Variants in ERG observed in about 807,000 individuals in gnomAD.
The protein encoded by ERG is ETS transcription factor ERG.
In ERG, 9 loss-of-function variants were observed where a neutral mutation model predicts 55.3. The observed-to-expected ratio is 0.16, with a 90% CI of 0.10 to 0.28. The LOEUF is 0.28. Ranked by LOEUF, ERG falls within the 10% of genes least tolerant of loss-of-function variation. ERG has a pLI of 1.00. For missense variants in ERG, 434 were observed against 631.6 expected (o/e 0.69, Z 3.35); for synonymous variants, 223 against 237.3 (o/e 0.94, Z 0.55).
intron 3 of ERG, among the ~76,000 whole-genome samples, chr21:38,406,154 C>CAAAAAAAGAAAAAA (rs1988759062): frequency 1.1e-5 from 1 of 95,080 alleles, no homozygotes; most frequent in Non-Finnish European, 2.0e-5. Context: ...GACTCCATCT[C>CAAAAAAAGAAAAAA]AAAAAAAAAA....
chr21:38,426,135 T>C (rs974604879), intron 2 of ERG, among the ~76,000 whole-genome samples: 3 of 152,196 alleles, frequency 2.0e-5, no homozygotes, highest in African/African-American at 2.4e-5. Flanking sequence ...CTCACAGCTG[T>C]GCTAACATGA....
intron 1 of ERG, among the ~76,000 whole-genome samples, chr21:38,456,888 C>G (rs2058994882): frequency 6.6e-6 from 1 of 152,192 alleles, no homozygotes; most frequent in Non-Finnish European, 1.5e-5. Context: ...TAATGTTATA[C>G]GCTGAGCTCA....
At chr21:38,528,169 T>C (rs2059643834) in intron 2 of ERG, among the ~76,000 whole-genome samples, 1 of 152,188 alleles carries the variant, frequency 6.6e-6, no homozygotes, top group Admixed American at 6.5e-5. Flanking sequence ...TACCTGTCTG[T>C]CTCCAAATTT....
intron 2 of ERG, among the ~76,000 whole-genome samples, chr21:38,545,936 T>G (rs994568191): frequency 2.6e-5 from 4 of 152,218 alleles, no homozygotes; most frequent in Admixed American, 6.5e-5. Flanking sequence ...AGACTTCTCC[T>G]CTCTTCTCCT....
At chr21:38,456,518 A>T (rs1016277965) in intron 1 of ERG, among the ~76,000 whole-genome samples, 1 of 152,260 alleles carries the variant, frequency 6.6e-6, no homozygotes, top group African/African-American at 2.4e-5. Flanking sequence ...GTTCTGGCAG[A>T]CAGAGGAGCA....
At chr21:38,647,459 C>T (rs1027143614) in intron 1 of ERG, among the ~76,000 whole-genome samples, 2 of 152,012 alleles carry the variant, frequency 1.3e-5, no homozygotes, top group African/African-American at 4.8e-5. Context: ...TAAATGTAGA[C>T]ATACGTATAT....
At chr21:38,390,061 C>T (rs1295979240) in intron 9 of ERG, among the ~76,000 whole-genome samples, 2 of 152,178 alleles carry the variant, frequency 1.3e-5, no homozygotes, top group African/African-American at 2.4e-5. Context: ...ATGCCTGTAA[C>T]ATCTTGGCAT....
intron 1 of ERG, among the ~76,000 whole-genome samples, chr21:38,478,770 T>G (rs1042216824): frequency 6.6e-6 from 1 of 152,200 alleles, no homozygotes; most frequent in Non-Finnish European, 1.5e-5. Flanking sequence ...AATATTAGTA[T>G]AGGATGCCGT....
chr21:38,386,449 C>T (rs1287668633), intron 9 of ERG, among the ~76,000 whole-genome samples: 1 of 152,110 alleles, frequency 6.6e-6, no homozygotes, highest in Non-Finnish European at 1.5e-5. Context: ...AACAAAATTT[C>T]TCACTGCAAG....
At chr21:38,379,168 C>G (rs1280645623), downstream of ERG, among the ~76,000 whole-genome samples, 1 of 152,196 alleles carries the variant, frequency 6.6e-6, no homozygotes, top group Admixed American at 6.5e-5. Context: ...CTTTGGCATC[C>G]TGGATGTGTC....
At chr21:38,386,487 A>T (rs1410374323) in intron 9 of ERG, among the ~76,000 whole-genome samples, 2 of 152,262 alleles carry the variant, frequency 1.3e-5, no homozygotes, top group African/African-American at 4.8e-5. Flanking sequence ...AATGGTTGTT[A>T]AAAAATTGTC....
At chr21:38,532,991 CT>C (rs1444505833) in intron 2 of ERG, among the ~76,000 whole-genome samples, 1 of 152,220 alleles carries the variant, frequency 6.6e-6, no homozygotes, top group Admixed American at 6.5e-5. Flanking sequence ...TTTTTCACCT[CT>C]GTGTTCCTTG....
At chr21:38,566,225 CA>C (rs1237493873) in intron 2 of ERG, among the ~76,000 whole-genome samples, 1 of 152,252 alleles carries the variant, frequency 6.6e-6, no homozygotes, top group Admixed American at 6.5e-5. Flanking sequence ...ATTAAACCAG[CA>C]AAAACCCATA....
chr21:38,531,139 C>T (rs940694564), intron 2 of ERG, among the ~76,000 whole-genome samples: 1 of 152,148 alleles, frequency 6.6e-6, no homozygotes, highest in East Asian at 1.9e-4. Context: ...AGCTTATGGT[C>T]AGGAAGCCTG....
chr21:38,629,421 C>T (rs898056483), intron 1 of ERG, among the ~76,000 whole-genome samples: 1 of 152,168 alleles, frequency 6.6e-6, no homozygotes, highest in African/African-American at 2.4e-5. Context: ...CAGAAGATAA[C>T]ATTGATTTTT....
chr21:38,412,766 C>T (rs950281692), intron 3 of ERG, among the ~76,000 whole-genome samples: 5 of 152,114 alleles, frequency 3.3e-5, no homozygotes, highest in East Asian at 1.9e-4. Context: ...TCTGCTTAAT[C>T]ATGTTCATTG....
the ERG span, chr21:38,367,752 C>A: frequency 2.3e-6 from 1 of 438,574 alleles, no homozygotes; most frequent in Non-Finnish European, 4.5e-6. Context: ...CTTTCATCAA[C>A]AATAACTAAC....
chr21:38,639,388 G>T (rs1332307696), intron 1 of ERG, among the ~76,000 whole-genome samples: 1 of 151,150 alleles, frequency 6.6e-6, no homozygotes, highest in East Asian at 1.9e-4. Context: ...CTATCATTAA[G>T]ATCCTAAAGA....
At chr21:38,607,942 G>A (rs537394572) in intron 1 of ERG, among the ~76,000 whole-genome samples, 2 of 152,264 alleles carry the variant, frequency 1.3e-5, no homozygotes, top group East Asian at 1.9e-4. Context: ...TTAGACAATC[G>A]TAAGAAGAGT....
Sources: allele counts gnomAD v4.1 joint callset (sites outside exome capture counted in the v4.1 genomes callset), GRCh38; gene constraint gnomAD v4.1.1; transcripts MANE v1.5; gene names NCBI Gene and HGNC (gene_info 2026-07-23, HGNC 2026-07-21).